SARNP: variants seen among roughly 807,000 people sequenced by gnomAD.
The protein encoded by SARNP is SAP domain containing ribonucleoprotein, also known as SAP domain-containing ribonucleoprotein.
SARNP carries 5 observed loss-of-function variants against 38.1 expected under a neutral mutation model. That is an observed-to-expected ratio of 0.13 (90% CI 0.07 to 0.28). The LOEUF is 0.28. Among genes scored for constraint, SARNP ranks in the 10% least tolerant of loss-of-function variants. SARNP has a pLI of 1.00. For synonymous variants in SARNP, 84 were observed against 80.6 expected, an observed-to-expected ratio of 1.04 and a Z score of -0.23; for missense variants, 180 against 243.9, an observed-to-expected ratio of 0.74 and a Z score of 1.75.
At chr12:55,796,478 C>T (rs532788432) in intron 4 of SARNP, among the ~76,000 whole-genome samples, 13 of 152,352 alleles carry the variant, frequency 8.5e-5, no homozygotes, top group Admixed American at 7.2e-4. Context: ...TCTCAGCTCA[C>T]TGCAACCTCC....
At chr12:55,796,126 A>C in intron 4 of SARNP, 50 bp from the exon 5 acceptor site, 1 of 1,287,658 alleles carries the variant, frequency 7.8e-7, no homozygotes, top group Non-Finnish European at 1.1e-6. Context: ...ATTCTAAACC[A>C]CAACCTCAGA....
At chr12:55,761,596 A>G (rs1319134846) in intron 9 of SARNP, 1 of 152,242 alleles carries the variant, frequency 6.6e-6, no homozygotes, top group African/African-American at 2.4e-5. Flanking sequence ...GTTTACCATG[A>G]GTTGGAGCTC....
At chr12:55,764,832 C>CAAAAAA (rs1162009254) in intron 9 of SARNP, among the ~76,000 whole-genome samples, 205 of 62,020 alleles carry the variant, frequency 3.3e-3, no homozygotes, top group African/African-American at 8.7e-3. Context: ...CTCTGTCTCA[C>CAAAAAA]AAAAAAAAAA....
At chr12:55,796,174 C>T (rs539004699) in intron 4 of SARNP, 98 bp from the exon 5 acceptor site, 5 of 826,584 alleles carry the variant, frequency 6.0e-6, no homozygotes, top group Admixed American at 4.1e-5. Flanking sequence ...ATTCTCTGCC[C>T]TATTATCTCT....
At chr12:55,776,063 C>T (rs1879172468) in intron 9 of SARNP, among the ~76,000 whole-genome samples, 1 of 152,080 alleles carries the variant, frequency 6.6e-6, no homozygotes. Context: ...TACAGTTGTC[C>T]CTCAGTATCC....
chr12:55,778,377 C>A (rs1435089925), intron 9 of SARNP, among the ~76,000 whole-genome samples: 2 of 152,044 alleles, frequency 1.3e-5, no homozygotes, highest in Non-Finnish European at 2.9e-5. Flanking sequence ...AAACTCCTGA[C>A]CTGAGGTGAT....
At chr12:55,809,762 AG>A (rs1880270498) in intron 1 of SARNP, among the ~76,000 whole-genome samples, 1 of 151,564 alleles carries the variant, frequency 6.6e-6, no homozygotes, top group Non-Finnish European at 1.5e-5. Flanking sequence ...AAAAAAAAAA[AG>A]AAAAGAGTTA....
At chr12:55,797,792 A>G (rs1879862442) in intron 4 of SARNP, among the ~76,000 whole-genome samples, 1 of 152,216 alleles carries the variant, frequency 6.6e-6, no homozygotes, top group Admixed American at 6.5e-5. Flanking sequence ...TCTCCTACCC[A>G]ATCACATAAA....
At chr12:55,781,576 T>C (rs1306763933) in intron 9 of SARNP, among the ~76,000 whole-genome samples, 1 of 142,400 alleles carries the variant, frequency 7.0e-6, no homozygotes. Context: ...AGACAAAAAA[T>C]AACAAGGCAG....
chr12:55,810,798 C>T (rs575874472), intron 1 of SARNP, among the ~76,000 whole-genome samples: 116 of 151,746 alleles, frequency 7.6e-4, no homozygotes, highest in Non-Finnish European at 1.4e-3. Flanking sequence ...TCACGTTGGC[C>T]AGGCGCGGTG....
intron 9 of SARNP, among the ~76,000 whole-genome samples, chr12:55,761,175 C>CAAAAAAAAAAAA (rs967678002): frequency 7.1e-6 from 1 of 140,076 alleles, no homozygotes; most frequent in African/African-American, 2.7e-5. Flanking sequence ...GACTCTGTCT[C>CAAAAAAAAAAAA]AAAAAAAAAA....
intron 9 of SARNP, among the ~76,000 whole-genome samples, chr12:55,763,785 G>C (rs990657048): frequency 6.6e-6 from 1 of 152,076 alleles, no homozygotes; most frequent in African/African-American, 2.4e-5. Flanking sequence ...CTATGGAGTA[G>C]GCACAGCAAT....
chr12:55,811,973 C>A (rs1341345492), intron 1 of SARNP, among the ~76,000 whole-genome samples: 1 of 152,162 alleles, frequency 6.6e-6, no homozygotes, highest in Non-Finnish European at 1.5e-5. Context: ...ATAGTTTATT[C>A]TCAACAAAGT....
At chr12:55,788,562 A>C (rs1879572743) in intron 9 of SARNP, among the ~76,000 whole-genome samples, 1 of 152,160 alleles carries the variant, frequency 6.6e-6, no homozygotes, top group Non-Finnish European at 1.5e-5. Flanking sequence ...TCTGGGAGGC[A>C]GAAGTGGGTG....
chr12:55,789,432 T>C (rs967442176), intron 8 of SARNP, among the ~76,000 whole-genome samples: 2 of 152,132 alleles, frequency 1.3e-5, no homozygotes, highest in African/African-American at 4.8e-5. Context: ...AGCAAACACA[T>C]GTCTAAATCA....
chr12:55,802,161 A>G (rs1350146059), intron 2 of SARNP, among the ~76,000 whole-genome samples: 1 of 152,162 alleles, frequency 6.6e-6, no homozygotes, highest in Non-Finnish European at 1.5e-5. Context: ...AAGAACCCTT[A>G]TGTACTAGTA....
At chr12:55,796,409 T>C (rs1017501676) in intron 4 of SARNP, among the ~76,000 whole-genome samples, 1 of 152,212 alleles carries the variant, frequency 6.6e-6, no homozygotes, top group African/African-American at 2.4e-5. Flanking sequence ...TCAATTTACT[T>C]TTATTTTTCT....
At chr12:55,771,913 G>A (rs907309102) in intron 9 of SARNP, among the ~76,000 whole-genome samples, 4 of 152,108 alleles carry the variant, frequency 2.6e-5, no homozygotes, top group African/African-American at 9.7e-5. Flanking sequence ...AGAGGTAAAG[G>A]TTATGAAACA....
intron 1 of SARNP, among the ~76,000 whole-genome samples, chr12:55,810,449 G>C (rs994393070): frequency 6.8e-6 from 1 of 147,408 alleles, no homozygotes; most frequent in African/African-American, 2.6e-5. Context: ...AACTGACCTT[G>C]AATTTTTTTT....
Sources: allele counts gnomAD v4.1 joint callset (sites outside exome capture counted in the v4.1 genomes callset), GRCh38; gene constraint gnomAD v4.1.1; transcripts MANE v1.5; gene names NCBI Gene and HGNC (gene_info 2026-07-23, HGNC 2026-07-21).